Variants in SMOC2 observed in about 807,000 individuals in gnomAD.
SMOC2 encodes SPARC related modular calcium binding 2, also known as SPARC-related modular calcium-binding protein 2.
In SMOC2, 39 loss-of-function variants were observed where a neutral mutation model predicts 61.4. The ratio of observed to expected loss-of-function variants is 0.64; its 90% confidence interval spans 0.49 to 0.83. The LOEUF (loss-of-function observed/expected upper bound fraction) is 0.83. Among genes scored for constraint, SMOC2 ranks in the 40% least tolerant of loss-of-function variants. SMOC2 has a pLI of 0.00. For missense variants in SMOC2, 556 were observed against 592.9 expected, an observed-to-expected ratio of 0.94 and a Z score of 0.65; for synonymous variants, 247 against 239.9, an observed-to-expected ratio of 1.03 and a Z score of -0.27.
At chr6:168,532,716 G>A (rs551202363) in intron 4 of SMOC2, among the ~76,000 whole-genome samples, 2 of 152,248 alleles carry the variant, frequency 1.3e-5, no homozygotes, top group South Asian at 4.2e-4. Context: ...AGCTTGGTTG[G>A]AGTTACGTGT....
intron 8 of SMOC2, among the ~76,000 whole-genome samples, chr6:168,607,792 C>A (rs13194641): frequency 6.6e-6 from 1 of 151,300 alleles, no homozygotes; most frequent in African/African-American, 2.4e-5. Flanking sequence ...CCATCCAACC[C>A]TGCAACGGGA....
At chr6:168,559,848 T>A (rs1316982853) in intron 7 of SMOC2, among the ~76,000 whole-genome samples, 1 of 152,240 alleles carries the variant, frequency 6.6e-6, no homozygotes, top group Non-Finnish European at 1.5e-5. Context: ...GTTCATACAA[T>A]TAATGAAATC....
At chr6:168,659,043 TGTGTGGC>T (rs1444612198) in intron 11 of SMOC2, among the ~76,000 whole-genome samples, 2 of 128,734 alleles carry the variant, frequency 1.6e-5, no homozygotes, top group Non-Finnish European at 3.3e-5. Flanking sequence ...TGTATGTGTG[TGTGTGGC>T]GTGTGGGGTG....
At chr6:168,646,330 G>T (rs1402357914) in intron 9 of SMOC2, among the ~76,000 whole-genome samples, 1 of 152,092 alleles carries the variant, frequency 6.6e-6, no homozygotes, top group African/African-American at 2.4e-5. Context: ...TCTCTTGATC[G>T]GTGAGTGAGG....
chr6:168,530,032 CA>C (rs1054353843), intron 4 of SMOC2, among the ~76,000 whole-genome samples: 1 of 152,204 alleles, frequency 6.6e-6, no homozygotes, highest in African/African-American at 2.4e-5. Flanking sequence ...GGGCAAATTT[CA>C]GTATTTAATA....
intron 9 of SMOC2, among the ~76,000 whole-genome samples, chr6:168,638,235 T>C (rs1583178761): frequency 6.6e-6 from 1 of 152,048 alleles, no homozygotes; most frequent in African/African-American, 2.4e-5. Flanking sequence ...ATAATGTTGT[T>C]ATTGTTATTA....
intron 7 of SMOC2, among the ~76,000 whole-genome samples, chr6:168,570,216 C>T (rs1350808052): frequency 4.0e-5 from 6 of 151,770 alleles, no homozygotes; most frequent in Non-Finnish European, 7.4e-5. Flanking sequence ...GCTGAGCAGC[C>T]GAATGGGAAT....
intron 4 of SMOC2, among the ~76,000 whole-genome samples, chr6:168,539,284 G>C (rs974505099): frequency 6.6e-6 from 1 of 152,202 alleles, no homozygotes; most frequent in Non-Finnish European, 1.5e-5. Context: ...TGTCTAGCCA[G>C]AGAGGCACCT....
rs1200505265 is a variant in SMOC2 at position 168,475,113 on chromosome 6, T to C, written c.84+33659T>C. Among the ~76,000 whole-genome samples, 1 of 152,100 alleles carries C rather than the reference T, an allele frequency of 6.6e-6. No individual in the cohort carries two copies. Among genetic ancestry groups the C allele is most frequent in the Non-Finnish European group, 1.5e-5 (1 of 68,004 alleles). ...CATGCCATACACTCTTGTCAGCTGG[T>C]TTCTCATTTTAGGAAACCACGGTCT... On this transcript the variant is annotated intron_variant, in intron 1 of 12. Coordinates refer to ENST00000356284, the MANE Select transcript of SMOC2 (RefSeq NM_001166412.2). This position sits in a 1 kb window ranked among gnomAD's most constrained non-coding sequence, Gnocchi z 4.6.
At chr6:168,560,429 ATATT>A (rs1784374542) in intron 7 of SMOC2, among the ~76,000 whole-genome samples, 1 of 152,120 alleles carries the variant, frequency 6.6e-6, no homozygotes, top group Admixed American at 6.6e-5. Context: ...CTTCAAGGTC[ATATT>A]TATTTTTTAA....
intron 11 of SMOC2, among the ~76,000 whole-genome samples, chr6:168,659,191 C>T (rs945523852): frequency 2.0e-5 from 3 of 152,012 alleles, no homozygotes; most frequent in African/African-American, 7.3e-5. Context: ...TATTTTAAAA[C>T]ATAATGTATT....
intron 4 of SMOC2, among the ~76,000 whole-genome samples, chr6:168,529,360 G>A (rs903240334): frequency 4.6e-5 from 7 of 152,208 alleles, no homozygotes; most frequent in South Asian, 2.1e-4. Flanking sequence ...CTTCGATGCC[G>A]AGGGGCAGTT....
intron 6 of SMOC2, 42 bp downstream of exon 6, chr6:168,547,211 G>C (rs140455032): frequency 1.9e-6 from 3 of 1,575,088 alleles, no homozygotes; most frequent in Non-Finnish European, 2.6e-6. Flanking sequence ...TTGGGGAGGA[G>C]TGCGAGGGAC....
rs189925520 is a variant in SMOC2 at position 168,494,635 on chromosome 6, C to T, written c.85-15280C>T. The stretch of plus-strand genomic sequence containing the variant: ...CCTTTGACTTACGCTGCTTAGAGTG[C>T]CACTGATTTCCTGGTAAGCCTAAGA... On this transcript the variant is annotated intron_variant, in intron 1 of 12. Coordinates refer to ENST00000356284, the MANE Select transcript of SMOC2 (RefSeq NM_001166412.2). 5.9e-5 allele frequency among the ~76,000 whole-genome samples: 9 copies of T among 152,338 alleles called. No individual in the cohort carries two copies. The East Asian group carries it at 1.7e-3, about 29-fold the overall frequency.
intron 1 of SMOC2, among the ~76,000 whole-genome samples, chr6:168,500,439 T>C (rs1782699553): frequency 6.6e-6 from 1 of 152,068 alleles, no homozygotes. Context: ...TCCTGTTGAC[T>C]CGGGTGGAAG....
intron 2 of SMOC2, among the ~76,000 whole-genome samples, chr6:168,517,934 G>A (rs1783183747): frequency 6.6e-6 from 1 of 152,236 alleles, no homozygotes; most frequent in South Asian, 2.1e-4. Flanking sequence ...GCGCGAGCCT[G>A]GGCCGGGGGG....
At chr6:168,520,841 C>T (rs1783313123) in intron 2 of SMOC2, among the ~76,000 whole-genome samples, 1 of 152,222 alleles carries the variant, frequency 6.6e-6, no homozygotes, top group African/African-American at 2.4e-5. Flanking sequence ...GAGGAACTCT[C>T]TGGGCTTAGG....
intron 7 of SMOC2, among the ~76,000 whole-genome samples, chr6:168,551,932 G>A (rs1179701852): frequency 1.3e-5 from 2 of 152,188 alleles, no homozygotes; most frequent in Admixed American, 6.5e-5. Flanking sequence ...AAACTGAGCA[G>A]GCTTTTGGTA....
chr6:168,468,328 T>C (rs963834574), intron 1 of SMOC2, among the ~76,000 whole-genome samples: 1 of 152,242 alleles, frequency 6.6e-6, no homozygotes, highest in African/African-American at 2.4e-5. Context: ...GCACATGTTC[T>C]AAAGTGTTGG....
Sources: gnomAD v4.1 joint callset for allele counts (sites outside exome capture counted in the v4.1 genomes callset) on GRCh38, gnomAD v4.1.1 for gene constraint, Gnocchi (gnomAD v3.1) non-coding constraint, MANE v1.5 for transcripts, NCBI Gene and HGNC (gene_info 2026-07-23, HGNC 2026-07-21) for gene names.